SLC16A10: variants seen among roughly 807,000 people sequenced by gnomAD.
SLC16A10 encodes the protein monocarboxylate transporter 10.
Under a neutral mutation model 40.0 loss-of-function variants are expected in SLC16A10, and 27 were observed. The observed-to-expected ratio is 0.67, with a 90% CI of 0.50 to 0.93. The LOEUF (loss-of-function observed/expected upper bound fraction) is 0.93, where lower values mean the gene tolerates loss of function less well. SLC16A10 is among the 40% of genes least tolerant of loss of function. The probability of loss-of-function intolerance (pLI) is 0.00; values close to 1 mark genes in which losing one functional copy is unlikely to be tolerated. For missense variants in SLC16A10, 529 were observed against 658.2 expected (o/e 0.80, Z 2.15); for synonymous variants, 213 against 249.8 (o/e 0.85, Z 1.39).
At chr6:111,158,687 G>T (rs1339795181) in intron 1 of SLC16A10, among the ~76,000 whole-genome samples, 1 of 151,962 alleles carries the variant, frequency 6.6e-6, no homozygotes, top group African/African-American at 2.4e-5. Flanking sequence ...GTATTTTTTT[G>T]TATTTACTCG....
intron 1 of SLC16A10, among the ~76,000 whole-genome samples, chr6:111,097,623 T>A (rs1398542728): frequency 6.6e-6 from 1 of 152,206 alleles, no homozygotes; most frequent in Non-Finnish European, 1.5e-5. Flanking sequence ...CAAGCTTTAC[T>A]TTTAGTTATG....
intron 1 of SLC16A10, among the ~76,000 whole-genome samples, chr6:111,101,746 A>G (rs2114442651): frequency 6.6e-6 from 1 of 152,206 alleles, no homozygotes; most frequent in Middle Eastern, 3.4e-3. Context: ...TCAGCCTCCC[A>G]AGTAGCTGGG....
intron 1 of SLC16A10, among the ~76,000 whole-genome samples, chr6:111,121,441 G>A (rs943366166): frequency 6.6e-6 from 1 of 152,178 alleles, no homozygotes; most frequent in Non-Finnish European, 1.5e-5. Flanking sequence ...TGTGCCTGTA[G>A]TACCAGCTAC....
chr6:111,099,027 A>ATATTGGTTC (rs1771125912), intron 1 of SLC16A10, among the ~76,000 whole-genome samples: 1 of 152,232 alleles, frequency 6.6e-6, no homozygotes, highest in African/African-American at 2.4e-5. Flanking sequence ...GCTTAAACTG[A>ATATTGGTTC]AAAAAGGATC....
chr6:111,097,849 T>C (rs1216707294), intron 1 of SLC16A10, among the ~76,000 whole-genome samples: 1 of 152,202 alleles, frequency 6.6e-6, no homozygotes, highest in South Asian at 2.1e-4. Context: ...ATCCTTTAGA[T>C]AGTTAAGTCT....
At chr6:111,116,786 A>G (rs1771494563) in intron 1 of SLC16A10, among the ~76,000 whole-genome samples, 1 of 152,274 alleles carries the variant, frequency 6.6e-6, no homozygotes, top group African/African-American at 2.4e-5. Context: ...TCCCCCCACT[A>G]TTGGTAAAAA....
At position 111,206,819 on chromosome 6, in the gene SLC16A10, C is replaced by CT. The variant is rs979276469; in HGVS notation, c.1086+93dup. 1,391 of 1,407,264 alleles carry CT rather than the reference C, an allele frequency of 9.9e-4. 1 individual carries two copies. The highest frequency in any genetic ancestry group is 1.2e-3 in the South Asian group (86 of 72,958). The allele number at this position is 1,407,264 out of a possible 1,614,324, so 87.2% of individuals were successfully genotyped here. A position where few individuals can be genotyped will look rare whatever the true frequency, so the allele number is the denominator to read the frequency against. On this transcript the variant is annotated intron_variant, in intron 4 of 5. Coordinates refer to ENST00000368851, the MANE Select transcript of SLC16A10 (RefSeq NM_018593.5). ...TTAAATGTACTTACATGCTTAAATT[C>CT]TTTTTTTTTCTTTCCTTTTTCTTTT...
chr6:111,110,070 G>A (rs1471843456), intron 1 of SLC16A10, among the ~76,000 whole-genome samples: 1 of 151,984 alleles, frequency 6.6e-6, no homozygotes, highest in East Asian at 1.9e-4. Flanking sequence ...GATGAATAGT[G>A]GTGCTGCCAA....
chr6:111,197,963 T>C (rs185991250), intron 3 of SLC16A10, among the ~76,000 whole-genome samples: 41 of 152,258 alleles, frequency 2.7e-4, no homozygotes, highest in African/African-American at 9.6e-4. Flanking sequence ...ACATGAGATA[T>C]GGAAGGGACA....
At chr6:111,173,796 A>G (rs1440990868) in intron 2 of SLC16A10, among the ~76,000 whole-genome samples, 2 of 152,136 alleles carry the variant, frequency 1.3e-5, no homozygotes, top group Admixed American at 6.6e-5. Flanking sequence ...CTACATTATG[A>G]TGAGTTGTAT....
At chr6:111,209,629 A>G (rs1371584520) in intron 4 of SLC16A10, among the ~76,000 whole-genome samples, 2 of 152,116 alleles carry the variant, frequency 1.3e-5, no homozygotes, top group African/African-American at 4.8e-5. Context: ...TGGGTTAGGA[A>G]GCCTGTGGGT....
chr6:111,177,935 A>C (rs1057161500), intron 3 of SLC16A10, among the ~76,000 whole-genome samples: 3 of 152,262 alleles, frequency 2.0e-5, no homozygotes, highest in African/African-American at 7.2e-5. Flanking sequence ...CCCAGCTACT[A>C]AGCTGAGGCA....
chr6:111,160,580 C>G (rs1403007965), intron 1 of SLC16A10, among the ~76,000 whole-genome samples: 1 of 152,276 alleles, frequency 6.6e-6, no homozygotes, highest in Non-Finnish European at 1.5e-5. Flanking sequence ...AGGCACCCCG[C>G]TCACTTGGTC....
intron 3 of SLC16A10, among the ~76,000 whole-genome samples, chr6:111,194,143 T>G (rs1341667678): frequency 6.6e-6 from 1 of 152,234 alleles, no homozygotes; most frequent in Non-Finnish European, 1.5e-5. Flanking sequence ...CTAGCTGAGT[T>G]TATAGGCTGG....
intron 5 of SLC16A10, among the ~76,000 whole-genome samples, chr6:111,219,506 C>T (rs1020576627): frequency 9.3e-5 from 14 of 150,744 alleles, no homozygotes; most frequent in East Asian, 7.8e-4. Context: ...CCAGCCTAGG[C>T]GAAACCCTAT....
chr6:111,147,998 C>T (rs946802946), intron 1 of SLC16A10, among the ~76,000 whole-genome samples: 2 of 152,154 alleles, frequency 1.3e-5, no homozygotes, highest in African/African-American at 4.8e-5. Flanking sequence ...AGTGTACCTT[C>T]CCACTACTAT....
intron 1 of SLC16A10, among the ~76,000 whole-genome samples, chr6:111,135,479 TCC>T (rs1198573389): frequency 6.6e-6 from 1 of 152,168 alleles, no homozygotes; most frequent in Non-Finnish European, 1.5e-5. Context: ...GAGGCCATTG[TCC>T]CTCTATACCC....
chr6:111,216,539 A>G (rs1458692438), intron 4 of SLC16A10, among the ~76,000 whole-genome samples: 2 of 149,332 alleles, frequency 1.3e-5, no homozygotes, highest in Non-Finnish European at 3.0e-5. Context: ...AGTAACTGGG[A>G]CTACAGGCGC....
In SLC16A10 at chr6:111,227,730, C is replaced by G. The variant is rs354531; in HGVS notation, c.*5495C>G. ...CTGACAGATATAAAATAACATGAGGCTACCTCATTTTTGAAATAGATTTCA... is the reference window on the plus strand; with the variant it reads ...CTGACAGATATAAAATAACATGAGGGTACCTCATTTTTGAAATAGATTTCA... On this transcript the variant is annotated 3_prime_UTR_variant, in exon 6 of 6. Transcript: ENST00000368851. 1.3e-5 allele frequency: 2 copies of G among 151,964 alleles called. No homozygotes were observed. Among genetic ancestry groups the G allele is most frequent in the Admixed American group, 6.5e-5 (1 of 15,280 alleles). 9.4% of individuals were successfully genotyped at this position (151,964 alleles called of 1,614,324 possible).
Sources: allele counts gnomAD v4.1 joint callset (sites outside exome capture counted in the v4.1 genomes callset), GRCh38; gene constraint gnomAD v4.1.1; transcripts MANE v1.5; gene names NCBI Gene and HGNC (gene_info 2026-07-23, HGNC 2026-07-21).